The following URI1 variants were observed in gnomAD, a reference collection of about 807,000 sequenced individuals.
URI1 encodes URI1 prefoldin like chaperone, also known as unconventional prefoldin RPB5 interactor 1.
Under a neutral mutation model 60.2 loss-of-function variants are expected in URI1, and 39 were observed. That is an observed-to-expected ratio of 0.65 (90% CI 0.50 to 0.85). The LOEUF (loss-of-function observed/expected upper bound fraction) is 0.85, where lower values mean the gene tolerates loss of function less well. Ranked by LOEUF, URI1 falls within the 40% of genes least tolerant of loss-of-function variation. The pLI is 0.00. For synonymous variants in URI1, 251 were observed against 236.8 expected, an observed-to-expected ratio of 1.06 and a Z score of -0.55; for missense variants, 691 against 665.9, an observed-to-expected ratio of 1.04 and a Z score of -0.42.
intron 3 of URI1, 29 bp downstream of exon 3, chr19:29,985,330 A>G (rs1373233311): frequency 2.7e-5 from 42 of 1,571,362 alleles, no homozygotes; most frequent in Non-Finnish European, 3.7e-5. Flanking sequence ...TTTTAAAGTA[A>G]TAGTTGTTTC....
chr19:30,002,348 T>C (rs562129346), intron 4 of URI1, among the ~76,000 whole-genome samples: 2 of 152,184 alleles, frequency 1.3e-5, no homozygotes, highest in East Asian at 1.9e-4. Context: ...TAAGTTCTTA[T>C]GAGGTTTTAA....
At chr19:29,929,726 C>T (rs1255341797) in intron 1 of URI1, among the ~76,000 whole-genome samples, 1 of 152,070 alleles carries the variant, frequency 6.6e-6, no homozygotes, top group African/African-American at 2.4e-5. Context: ...TTTTCATGTG[C>T]CTATTGGCCA....
intron 1 of URI1, among the ~76,000 whole-genome samples, chr19:29,960,555 C>T (rs144118377): frequency 6.6e-6 from 1 of 152,156 alleles, no homozygotes; most frequent in Non-Finnish European, 1.5e-5. Flanking sequence ...GCCTTCAAGT[C>T]TCCTTTGTTG....
chr19:30,005,699 G>A lies in URI1; in HGVS notation c.508G>A (p.Glu170Lys), dbSNP rs749777203. 10 of 1,611,164 alleles carry A rather than the reference G, an allele frequency of 6.2e-6. No individual in the cohort carries two copies. The African/African-American group carries it at 9.4e-5, about 15-fold the overall frequency. ...DIREEIKCDF[E>K]FKAKHRIAHK... ...ACGAGAAGAAATTAAATGTGACTTC[G>A]AATTTAAAGGTAAGCAGTAAGATTG... The change falls in exon 6 of 11, where the codon GAA becomes AAA. Residue 170 changes from glutamate to lysine, a missense_variant. Transcript: ENST00000392271.
chr19:30,014,820 T>A (rs2056064825), intron 10 of URI1, 67 bp from the exon 11 acceptor site: 1 of 1,462,382 alleles, frequency 6.8e-7, no homozygotes, highest in East Asian at 2.3e-5. Context: ...GCCAAATGAG[T>A]GAATGGGAAG....
intron 1 of URI1, among the ~76,000 whole-genome samples, chr19:29,947,906 T>C (rs970393828): frequency 6.6e-6 from 1 of 152,252 alleles, no homozygotes; most frequent in Non-Finnish European, 1.5e-5. Context: ...GAAGCTTTAC[T>C]GCTTTGCTTT....
chr19:29,980,912 A>G (rs1306537049), intron 2 of URI1, among the ~76,000 whole-genome samples: 16 of 115,960 alleles, frequency 1.4e-4, no homozygotes, highest in Non-Finnish European at 2.4e-4. Flanking sequence ...AAAGAGTGAG[A>G]CTCCATCTCC....
intron 1 of URI1, among the ~76,000 whole-genome samples, chr19:29,952,478 G>A (rs2055192177): frequency 6.6e-6 from 1 of 152,066 alleles, no homozygotes; most frequent in South Asian, 2.1e-4. Flanking sequence ...CATTCACTAA[G>A]TTCAGATGCA....
intron 8 of URI1, among the ~76,000 whole-genome samples, chr19:30,010,867 A>G (rs1454233964): frequency 6.6e-6 from 1 of 152,198 alleles, no homozygotes; most frequent in Non-Finnish European, 1.5e-5. Context: ...TAATAAAGAC[A>G]CTGAAGACTA....
chr19:29,984,544 A>G lies in URI1; in HGVS notation c.153-679A>G, dbSNP rs111571786. Among the ~76,000 whole-genome samples, 843 of 152,260 alleles carry G rather than the reference A, an allele frequency of 5.5e-3. 11 individuals are homozygous for G. Among genetic ancestry groups the G allele is most frequent in the African/African-American group, 0.019 (806 of 41,552 alleles). ...TTTTATTTGGTCCAGATAGTCTTGT[A>G]TCTTAAAAAACAGTAATTCTCAAAA... On this transcript the variant is annotated intron_variant, in intron 2 of 10. Transcript: ENST00000392271.
At chr19:30,009,678 A>G (rs1365652541) in intron 8 of URI1, among the ~76,000 whole-genome samples, 1 of 152,196 alleles carries the variant, frequency 6.6e-6, no homozygotes, top group African/African-American at 2.4e-5. Context: ...TATTGTGGAC[A>G]TTTTGGTGTG....
chr19:29,968,574 T>C lies in URI1; in HGVS notation c.118-2619T>C, dbSNP rs549260054. On this transcript the variant is annotated intron_variant, in intron 1 of 10. Coordinates refer to ENST00000392271, the MANE Select transcript of URI1 (RefSeq NM_003796.3). ...AATTTACTAATTTTTTCTTTTTTTTTTTTTTTTTTTTTTTTGAGATGGAGT... is the reference window on the plus strand; with the variant it reads ...AATTTACTAATTTTTTCTTTTTTTTCTTTTTTTTTTTTTTTGAGATGGAGT... Among the ~76,000 whole-genome samples, 841 of 132,186 alleles carry C rather than the reference T, an allele frequency of 6.4e-3. 9 individuals are homozygous for C. The highest frequency in any genetic ancestry group is 0.021 in the African/African-American group (758 of 35,412). The allele number at this position is 132,186 out of a possible 152,430, so 86.7% of individuals were successfully genotyped here.
intron 1 of URI1, among the ~76,000 whole-genome samples, chr19:29,951,914 C>T (rs988879465): frequency 6.6e-6 from 1 of 152,154 alleles, no homozygotes; most frequent in African/African-American, 2.4e-5. Flanking sequence ...CAGGCTTGCC[C>T]TGTAGTTTGC....
intron 6 of URI1, among the ~76,000 whole-genome samples, chr19:30,006,999 T>C (rs1462106490): frequency 6.6e-6 from 1 of 152,118 alleles, no homozygotes; most frequent in Non-Finnish European, 1.5e-5. Context: ...CCCTGGAGTT[T>C]AAAGTATCCT....
At chr19:30,007,784 A>G in intron 7 of URI1, 146 bp downstream of exon 7, 1 of 677,524 alleles carries the variant, frequency 1.5e-6, no homozygotes, top group Non-Finnish European at 2.3e-6. Flanking sequence ...CTTTCACCTC[A>G]AGATGAACAT....
intron 2 of URI1, among the ~76,000 whole-genome samples, chr19:29,978,683 T>C (rs1400322797): frequency 1.3e-5 from 2 of 152,130 alleles, no homozygotes; most frequent in Non-Finnish European, 2.9e-5. Context: ...AAAGACAGAT[T>C]GGGGTGGGTA....
intron 1 of URI1, 68 bp downstream of exon 1, chr19:29,942,732 C>T: frequency 1.5e-6 from 2 of 1,303,904 alleles, no homozygotes; most frequent in African/African-American, 1.5e-5. Context: ...CTCTGGGCCG[C>T]CGCCCCGCGT....
At chr19:29,930,455 A>T (rs1038765216) in intron 1 of URI1, among the ~76,000 whole-genome samples, 2 of 151,684 alleles carry the variant, frequency 1.3e-5, no homozygotes, top group Non-Finnish European at 2.9e-5. Context: ...GTGTAAGGCA[A>T]GGGTTCAACT....
At chr19:29,954,183 A>G (rs1232541152) in intron 1 of URI1, among the ~76,000 whole-genome samples, 1 of 152,226 alleles carries the variant, frequency 6.6e-6, no homozygotes, top group East Asian at 1.9e-4. Flanking sequence ...TTACTGCATT[A>G]ATACCACTGC....
Sources: gnomAD v4.1 joint callset for allele counts (sites outside exome capture counted in the v4.1 genomes callset) on GRCh38, gnomAD v4.1.1 for gene constraint, MANE v1.5 for transcripts, NCBI Gene and HGNC (gene_info 2026-07-23, HGNC 2026-07-21) for gene names.